Variants in LUZP2 observed in about 807,000 individuals in gnomAD.
The protein encoded by LUZP2 is leucine zipper protein 2.
LUZP2 carries 52 observed loss-of-function variants against 51.6 expected under a neutral mutation model. The observed-to-expected ratio is 1.01, with a 90% CI of 0.81 to 1.27. The LOEUF (loss-of-function observed/expected upper bound fraction) is 1.27, where lower values mean the gene tolerates loss of function less well. LUZP2 is among the 50% of genes most tolerant of loss of function. The probability of loss-of-function intolerance (pLI) is 0.00; values close to 1 mark genes in which losing one functional copy is unlikely to be tolerated. For synonymous variants in LUZP2, 154 were observed against 137.3 expected (o/e 1.12, Z -0.85); for missense variants, 436 against 395.4 (o/e 1.10, Z -0.87).
At chr11:24,729,592 TA>T (rs1046368541) in intron 2 of LUZP2, among the ~76,000 whole-genome samples, 63 of 151,930 alleles carry the variant, frequency 4.1e-4, no homozygotes, top group African/African-American at 1.5e-3. Context: ...GATCAAGACT[TA>T]AATAAATATA....
intron 4 of LUZP2, among the ~76,000 whole-genome samples, chr11:24,748,571 T>C (rs1416090021): frequency 1.3e-5 from 2 of 152,054 alleles, no homozygotes; most frequent in Admixed American, 6.6e-5. Flanking sequence ...ACGATTCTCC[T>C]GCCTCAGCCT....
chr11:25,069,117 T>C lies in LUZP2; in HGVS notation c.859-8212T>C, dbSNP rs933348961. Among the ~76,000 whole-genome samples the C allele has an allele frequency of 5.3e-5, 8 of 152,082 alleles. 2 individuals carry two copies. The highest frequency in any genetic ancestry group is 1.3e-4 in the Admixed American group (2 of 15,196). On this transcript the variant is annotated intron_variant, in intron 10 of 11. Coordinates refer to ENST00000336930, the MANE Select transcript of LUZP2 (RefSeq NM_001009909.4). Reference sequence around the variant, plus strand: ...TGATATTATGAGAAACGTTTTTTGGTTTTGTCACAAACTGTGTTGTTACCT... The same window carrying C: ...TGATATTATGAGAAACGTTTTTTGGCTTTGTCACAAACTGTGTTGTTACCT...
intron 1 of LUZP2, among the ~76,000 whole-genome samples, chr11:24,708,525 C>T (rs1204205791): frequency 2.0e-5 from 3 of 152,116 alleles, no homozygotes; most frequent in East Asian, 3.9e-4. Flanking sequence ...CTTATGCTGG[C>T]AGACTCTGTG....
intron 7 of LUZP2, among the ~76,000 whole-genome samples, chr11:24,946,208 G>C (rs1854895033): frequency 6.6e-6 from 1 of 151,952 alleles, no homozygotes; most frequent in Non-Finnish European, 1.5e-5. Context: ...TCATCCGTTT[G>C]TTAGAATATG....
At chr11:24,758,322 T>TGC (rs1365891078) in intron 4 of LUZP2, among the ~76,000 whole-genome samples, 1 of 137,516 alleles carries the variant, frequency 7.3e-6, no homozygotes, top group Non-Finnish European at 1.6e-5. Flanking sequence ...GGGAATGACT[T>TGC]GCGTGTGTGT....
intron 7 of LUZP2, among the ~76,000 whole-genome samples, chr11:24,935,200 G>GCTT (rs1854555637): frequency 6.6e-6 from 1 of 152,050 alleles, no homozygotes; most frequent in Non-Finnish European, 1.5e-5. Context: ...GTATGTCCTG[G>GCTT]CTTAGCAAGC....
intron 5 of LUZP2, among the ~76,000 whole-genome samples, chr11:24,864,237 GACTCTAT>G (rs1472776030): frequency 6.6e-6 from 1 of 152,052 alleles, no homozygotes; most frequent in African/African-American, 2.4e-5. Context: ...CTATGATGTA[GACTCTAT>G]AATGTCTTCA....
At chr11:24,502,660 A>G (rs973248995) in intron 1 of LUZP2, among the ~76,000 whole-genome samples, 2 of 152,284 alleles carry the variant, frequency 1.3e-5, no homozygotes, top group East Asian at 1.9e-4. Context: ...TGCTGGGATT[A>G]CAGGCATGAG....
chr11:24,837,804 A>G (rs1850904196), intron 5 of LUZP2, among the ~76,000 whole-genome samples: 1 of 151,686 alleles, frequency 6.6e-6, no homozygotes, highest in Non-Finnish European at 1.5e-5. Flanking sequence ...CATGCTCAAT[A>G]TACTATAATT....
At chr11:24,579,027 G>A (rs887335761) in intron 1 of LUZP2, among the ~76,000 whole-genome samples, 13 of 151,960 alleles carry the variant, frequency 8.6e-5, no homozygotes, top group African/African-American at 2.9e-4. Flanking sequence ...TTGGTATATA[G>A]CACCATTTAA....
chr11:25,010,283 G>A (rs1856944092), intron 9 of LUZP2, among the ~76,000 whole-genome samples: 1 of 152,156 alleles, frequency 6.6e-6, no homozygotes, highest in Non-Finnish European at 1.5e-5. Context: ...CCCTGGCACT[G>A]TGGCTCATGA....
chr11:24,836,880 C>T (rs937862433), intron 5 of LUZP2, among the ~76,000 whole-genome samples: 1 of 151,782 alleles, frequency 6.6e-6, no homozygotes, highest in Non-Finnish European at 1.5e-5. Context: ...ATGTTGATTT[C>T]TTGATTTTGA....
chr11:24,873,765 T>C (rs985709403), intron 5 of LUZP2, among the ~76,000 whole-genome samples: 1 of 152,192 alleles, frequency 6.6e-6, no homozygotes, highest in Non-Finnish European at 1.5e-5. Flanking sequence ...ATCTCTGCCT[T>C]TGAAAAGCTG....
chr11:24,702,236 A>C (rs886114236), intron 1 of LUZP2, among the ~76,000 whole-genome samples: 1 of 152,222 alleles, frequency 6.6e-6, no homozygotes, highest in Non-Finnish European at 1.5e-5. Context: ...CAGGAAAATC[A>C]CTGGAATAAC....
At chr11:24,982,407 A>T (rs1590801413) in intron 8 of LUZP2, among the ~76,000 whole-genome samples, 1 of 151,920 alleles carries the variant, frequency 6.6e-6, no homozygotes, top group Admixed American at 6.6e-5. Flanking sequence ...ACACATATAC[A>T]CCATGGAATA....
At chr11:24,775,992 T>A (rs917168860) in intron 5 of LUZP2, among the ~76,000 whole-genome samples, 2 of 152,164 alleles carry the variant, frequency 1.3e-5, no homozygotes, top group African/African-American at 4.8e-5. Context: ...AATTAGTTCA[T>A]CAATAAGCAG....
chr11:24,614,071 T>A (rs1854210054), intron 1 of LUZP2, among the ~76,000 whole-genome samples: 1 of 152,016 alleles, frequency 6.6e-6, no homozygotes, highest in Non-Finnish European at 1.5e-5. Context: ...ACCATAGCAC[T>A]TGTCGTATGA....
At chr11:24,977,165 CTG>C (rs1855902855) in intron 8 of LUZP2, among the ~76,000 whole-genome samples, 1 of 151,542 alleles carries the variant, frequency 6.6e-6, no homozygotes, top group Non-Finnish European at 1.5e-5. Flanking sequence ...AGTAATTTAA[CTG>C]TTTACTGTAA....
rs371058550 is a variant in LUZP2 at position 24,971,406 on chromosome 11, C to T, written c.523-5185C>T. On this transcript the variant is annotated intron_variant, in intron 7 of 11. Transcript: ENST00000336930. ...GCTTTGCTCACTTGCCAGCTGTTTA[C>T]CTCCTGCTGTGCTGCCCAGTTCCTA... Among the ~76,000 whole-genome samples, 18 of 152,184 alleles carry T rather than the reference C, an allele frequency of 1.2e-4. No homozygotes were observed. The South Asian group carries it at 3.5e-3, about 30-fold the overall frequency.
Sources: gnomAD v4.1 joint callset for allele counts (sites outside exome capture counted in the v4.1 genomes callset) on GRCh38, gnomAD v4.1.1 for gene constraint, MANE v1.5 for transcripts, NCBI Gene and HGNC (gene_info 2026-07-23, HGNC 2026-07-21) for gene names.